The following PLCB4 variants were observed in gnomAD, a reference collection of about 807,000 sequenced individuals.
PLCB4 encodes phospholipase C beta 4, also known as 1-phosphatidylinositol 4,5-bisphosphate phosphodiesterase beta-4.
Under a neutral mutation model 178.8 loss-of-function variants are expected in PLCB4, and 77 were observed. The ratio of observed to expected loss-of-function variants is 0.43; its 90% confidence interval spans 0.36 to 0.52. The LOEUF (loss-of-function observed/expected upper bound fraction) is 0.52. Among genes scored for constraint, PLCB4 ranks in the 20% least tolerant of loss-of-function variants. PLCB4 has a pLI of 0.00. For synonymous variants in PLCB4, 496 were observed against 490.8 expected (o/e 1.01, Z -0.14); for missense variants, 1,024 against 1,453.4 (o/e 0.70, Z 4.80).
chr20:9,213,880 G>T (rs1202253181), intron 2 of PLCB4, among the ~76,000 whole-genome samples: 1 of 152,132 alleles, frequency 6.6e-6, no homozygotes, highest in Non-Finnish European at 1.5e-5. Context: ...TCTCATTGTG[G>T]CTTTGATTTA....
intron 3 of PLCB4, among the ~76,000 whole-genome samples, chr20:9,218,152 C>T (rs541918982): frequency 2.0e-5 from 3 of 152,198 alleles, no homozygotes; most frequent in Admixed American, 6.5e-5. Context: ...GCTCTGTCAC[C>T]CAGGCTGGAG....
intron 2 of PLCB4, among the ~76,000 whole-genome samples, chr20:9,138,240 G>GAA (rs2092422312): frequency 6.6e-6 from 1 of 152,178 alleles, no homozygotes; most frequent in Admixed American, 6.5e-5. Context: ...GGCCTTTGGA[G>GAA]AAATGCCTGG....
rs556728074 is a variant in PLCB4, at chr20:9,324,431, A to AAAC, written c.85-12674_85-12672dup. On this transcript the variant is annotated intron_variant, in intron 4 of 39. Transcript: ENST00000378473. ...CACAGTGAGACTCCGTCTGTCTCAA[A>AAAC]AACAACAACAACAACAACAACAAAT... is the stretch of plus-strand genomic sequence containing the variant. 2.9e-3 allele frequency among the ~76,000 whole-genome samples: 438 copies of AAAC among 152,052 alleles called. 1 individual carries two copies. The highest frequency in any genetic ancestry group is 4.1e-3 in the Non-Finnish European group (277 of 67,966).
intron 2 of PLCB4, among the ~76,000 whole-genome samples, chr20:9,108,184 G>T (rs898341016): frequency 1.3e-5 from 2 of 152,284 alleles, no homozygotes; most frequent in African/African-American, 4.8e-5. Flanking sequence ...GAGTTAGTTG[G>T]ATATTAAGAG....
At chr20:9,281,523 T>C (rs954143615) in intron 3 of PLCB4, among the ~76,000 whole-genome samples, 5 of 151,968 alleles carry the variant, frequency 3.3e-5, no homozygotes, top group African/African-American at 1.2e-4. Flanking sequence ...AGTTTCAAAG[T>C]AATTCAACTG....
chr20:9,157,250 C>T (rs1345531697), intron 2 of PLCB4, among the ~76,000 whole-genome samples: 2 of 151,058 alleles, frequency 1.3e-5, no homozygotes, highest in Non-Finnish European at 2.9e-5. Context: ...TAAGAGATAC[C>T]AACTTGCCTT....
intron 3 of PLCB4, among the ~76,000 whole-genome samples, chr20:9,235,241 A>G (rs2093980582): frequency 6.6e-6 from 1 of 152,124 alleles, no homozygotes; most frequent in Non-Finnish European, 1.5e-5. Context: ...GGGTGCTTGC[A>G]TCTGATTTTG....
At position 9,444,045 on chromosome 20, in the gene PLCB4, C is replaced by T; in HGVS notation, c.2814+15C>T. ...AGCAGATGAAGGTAAAATTGCTTGA[C>T]TATTTTGCAAGCACTCTTGTATTAC... On this transcript the variant is annotated intron_variant, in intron 31 of 39. Coordinates refer to ENST00000378473, the MANE Select transcript of PLCB4 (RefSeq NM_001377142.1). The T allele has an allele frequency of 6.3e-7, 1 of 1,585,518 alleles. No homozygotes were observed.
intron 17 of PLCB4, among the ~76,000 whole-genome samples, chr20:9,392,868 A>G (rs554873046): frequency 7.7e-6 from 1 of 129,442 alleles, no homozygotes; most frequent in Admixed American, 8.7e-5. Flanking sequence ...GTAGTATAAA[A>G]GCAAGTTTTG....
At chr20:9,103,092 T>C (rs995117391) in intron 2 of PLCB4, among the ~76,000 whole-genome samples, 6 of 151,396 alleles carry the variant, frequency 4.0e-5, no homozygotes, top group African/African-American at 1.5e-4. Context: ...TGGCGGGATC[T>C]CGGCTCACTG....
chr20:9,278,961 CA>C (rs1395835859), intron 3 of PLCB4, among the ~76,000 whole-genome samples: 1 of 152,014 alleles, frequency 6.6e-6, no homozygotes, highest in African/African-American at 2.4e-5. Flanking sequence ...TGGAGTTCCC[CA>C]CTGAGTTTTT....
intron 4 of PLCB4, among the ~76,000 whole-genome samples, chr20:9,316,165 G>A (rs935249477): frequency 6.6e-6 from 1 of 152,032 alleles, no homozygotes; most frequent in African/African-American, 2.4e-5. Flanking sequence ...TCAAAGTGTG[G>A]TCCCCAAGCC....
intron 2 of PLCB4, among the ~76,000 whole-genome samples, chr20:9,195,162 G>A (rs1022902497): frequency 3.9e-5 from 6 of 152,074 alleles, no homozygotes; most frequent in African/African-American, 1.4e-4. Context: ...CTGGTTTTTC[G>A]CAAAATCATC....
Position 9,150,118 on chromosome 20 carries a change from C to T in PLCB4, c.-79+53776C>T, listed in dbSNP as rs576744988. 5.3e-4 allele frequency among the ~76,000 whole-genome samples: 80 copies of T among 152,204 alleles called. 1 individual carries two copies. In the South Asian group the frequency reaches 0.016, roughly 30 times the overall value. ...CTTCAGTCCTGAAGCAGTGTCTGGG[C>T]GTCACATCACAGTGTCCATGACCTA... On this transcript the variant is annotated intron_variant, in intron 2 of 39. Coordinates refer to ENST00000378473, the MANE Select transcript of PLCB4 (RefSeq NM_001377142.1).
intron 3 of PLCB4, among the ~76,000 whole-genome samples, chr20:9,278,392 T>C (rs781471189): frequency 1.3e-5 from 2 of 152,064 alleles, no homozygotes; most frequent in Non-Finnish European, 2.9e-5. Flanking sequence ...TATAAGAGTG[T>C]ACATTGCTTA....
At chr20:9,338,211 C>G in intron 6 of PLCB4, 144 bp downstream of exon 6, 1 of 636,646 alleles carries the variant, frequency 1.6e-6, no homozygotes, top group Admixed American at 2.4e-5. Flanking sequence ...CATGTGGTTG[C>G]TGGTTGTGGT....
At chr20:9,260,087 A>G (rs973312181) in intron 3 of PLCB4, among the ~76,000 whole-genome samples, 6 of 152,022 alleles carry the variant, frequency 3.9e-5, no homozygotes, top group Non-Finnish European at 5.9e-5. Context: ...CCAGGGTGCA[A>G]TGGGAAAGGA....
intron 3 of PLCB4, among the ~76,000 whole-genome samples, chr20:9,299,378 T>A (rs1037248486): frequency 2.0e-5 from 3 of 152,054 alleles, no homozygotes; most frequent in Admixed American, 1.3e-4. Context: ...AAAAGAAAAT[T>A]CTAAAATTAC....
At chr20:9,409,407 A>G (rs1043187152) in intron 24 of PLCB4, among the ~76,000 whole-genome samples, 1 of 151,956 alleles carries the variant, frequency 6.6e-6, no homozygotes, top group Non-Finnish European at 1.5e-5. Context: ...AATTCCTTTC[A>G]TAAATGCCAT....
Sources: gnomAD v4.1 joint callset for allele counts (sites outside exome capture counted in the v4.1 genomes callset) on GRCh38, gnomAD v4.1.1 for gene constraint, MANE v1.5 for transcripts, NCBI Gene and HGNC (gene_info 2026-07-23, HGNC 2026-07-21) for gene names.